Variants in PMM2 observed in about 807,000 individuals in gnomAD.
The protein encoded by PMM2 is mannose-6-phosphate isomerase.
PMM2 carries 35 observed loss-of-function variants against 33.2 expected under a neutral mutation model. The ratio of observed to expected loss-of-function variants is 1.06; its 90% CI spans 0.81 to 1.40. The LOEUF (loss-of-function observed/expected upper bound fraction) is 1.40. PMM2 is among the 40% of genes most tolerant of loss of function. The pLI is 0.00. For synonymous variants in PMM2, 153 were observed against 114.7 expected (o/e 1.33, Z -2.13); for missense variants, 386 against 306.0 (o/e 1.26, Z -1.95).
At chr16:8,847,312 C>A (rs1416631590) in intron 7 of PMM2, among the ~76,000 whole-genome samples, 1 of 151,646 alleles carries the variant, frequency 6.6e-6, no homozygotes, top group Non-Finnish European at 1.5e-5. Context: ...CCCTGGCAGC[C>A]CTGCTCCCGG....
In PMM2 at chr16:8,811,702, C is replaced by G. The variant is rs547057460; in HGVS notation, c.512C>G (p.Thr171Arg). The G allele has an allele frequency of 4.4e-6, 7 of 1,608,540 alleles. No individual in the cohort carries two copies. The South Asian group carries it at 7.7e-5, about 18-fold the overall frequency. The part of the protein sequence containing the change: ...LRKEFAGKGL[T>R]FSIGGQISFD... The stretch of plus-strand genomic sequence containing the variant: ...AAAGAGTTTGCTGGAAAAGGCCTCA[C>G]GTTTTCCATAGGTATTGTATATATT... Residue 171 changes from threonine to arginine, a missense_variant, in exon 6 of 8, where the codon ACG (threonine) becomes AGG (arginine). Physicochemically the swap from Thr to Arg is moderately conservative, Grantham distance 71. Coordinates refer to ENST00000268261, the MANE Select transcript of PMM2 (RefSeq NM_000303.3).
chr16:8,836,581 G>A (rs976438187), intron 7 of PMM2, among the ~76,000 whole-genome samples: 1 of 152,024 alleles, frequency 6.6e-6, no homozygotes, highest in African/African-American at 2.4e-5. Context: ...GTCTCACAGT[G>A]GAGGCAAGGA....
At chr16:8,815,442 G>C (rs922295515) in intron 7 of PMM2, among the ~76,000 whole-genome samples, 1 of 152,130 alleles carries the variant, frequency 6.6e-6, no homozygotes, top group Non-Finnish European at 1.5e-5. Flanking sequence ...CATTGGCCAG[G>C]CTGGTCTCGA....
At chr16:8,828,376 C>T (rs1173508697) in intron 7 of PMM2, among the ~76,000 whole-genome samples, 1 of 152,090 alleles carries the variant, frequency 6.6e-6, no homozygotes, top group African/African-American at 2.4e-5. Context: ...AGAGAGCACC[C>T]ATTCCGTAAG....
intron 7 of PMM2, among the ~76,000 whole-genome samples, chr16:8,837,282 T>C (rs1030224056): frequency 5.9e-5 from 9 of 151,876 alleles, no homozygotes; most frequent in Non-Finnish European, 7.4e-5. Flanking sequence ...TTAGATCTTG[T>C]AGGATGGAAA....
rs2141051377 is a variant in PMM2, at chr16:8,847,708, C to G, written c.640-16C>G. The G allele has an allele frequency of 5.6e-6, 9 of 1,594,206 alleles. No homozygotes were observed. Among genetic ancestry groups the G allele is most frequent in the Non-Finnish European group, 7.7e-6 (9 of 1,162,008 alleles). ...AGACGAGGGGGAGCCTTCATCTGTA[C>G]TTCGTGTCTTTCCAGGGTGGCAATG... is the stretch of plus-strand genomic sequence containing the variant. On this transcript the variant is annotated splice_polypyrimidine_tract_variant and intron_variant, in intron 7 of 7. Transcript: ENST00000268261.
chr16:8,831,876 C>G (rs2060811774), intron 7 of PMM2, among the ~76,000 whole-genome samples: 1 of 152,194 alleles, frequency 6.6e-6, no homozygotes, highest in Non-Finnish European at 1.5e-5. Context: ...TGGTGCCTGT[C>G]AGGTACACTA....
chr16:8,838,208 C>T (rs1443957616), intron 7 of PMM2, among the ~76,000 whole-genome samples: 1 of 151,988 alleles, frequency 6.6e-6, no homozygotes, highest in African/African-American at 2.4e-5. Context: ...AAAGAACCTT[C>T]TTAAGGGTGG....
At chr16:8,823,019 TAGAC>T (rs35202388) in intron 7 of PMM2, among the ~76,000 whole-genome samples, 6,879 of 152,238 alleles carry the variant, frequency 0.045, 222 homozygotes, top group Middle Eastern at 0.13. Flanking sequence ...CAGAGGTTGT[TAGAC>T]AGACAGATTG....
Position 8,811,724 on chromosome 16 carries a change from T to C in PMM2, c.523+11T>C, listed in dbSNP as rs1177559372. On this transcript the variant is annotated intron_variant, in intron 6 of 7. Coordinates refer to ENST00000268261, the MANE Select transcript of PMM2 (RefSeq NM_000303.3). The stretch of plus-strand genomic sequence containing the variant: ...TCACGTTTTCCATAGGTATTGTATA[T>C]ATTGCCTGTGTTCCAAACTTGGATA... The C allele has an allele frequency of 1.3e-6, 2 of 1,583,180 alleles. No individual in the cohort carries two copies. The highest frequency in any genetic ancestry group is 3.3e-5 in the Admixed American group (2 of 59,982).
intron 1 of PMM2, among the ~76,000 whole-genome samples, 184 bp from the exon 2 acceptor site, chr16:8,801,615 T>TG: frequency 6.6e-6 from 1 of 152,324 alleles, no homozygotes; most frequent in South Asian, 2.1e-4. Flanking sequence ...GAGGCTGCGA[T>TG]GAGCTATGAC....
intron 4 of PMM2, chr16:8,810,826 A>G: frequency 1.9e-6 from 1 of 535,162 alleles, no homozygotes; most frequent in Non-Finnish European, 3.4e-6. Context: ...GTCAATATAC[A>G]ACATGATTGA....
rs1410839628 is a variant in PMM2, at chr16:8,825,062, G to T, written c.639+11956G>T. ...TTGTTGTTGTTTGAGGTGGAGTCTC[G>T]CTCTGTTGCCCAGGCTGGAGTACAG... On this transcript the variant is annotated intron_variant, in intron 7 of 7. Coordinates refer to ENST00000268261, the MANE Select transcript of PMM2 (RefSeq NM_000303.3). 2.0e-5 allele frequency among the ~76,000 whole-genome samples: 3 copies of T among 152,254 alleles called. No individual in the cohort carries two copies. The South Asian group carries it at 6.2e-4, about 32-fold the overall frequency.
At chr16:8,825,075 G>A (rs1438897610) in intron 7 of PMM2, among the ~76,000 whole-genome samples, 1 of 152,212 alleles carries the variant, frequency 6.6e-6, no homozygotes, top group Non-Finnish European at 1.5e-5. Flanking sequence ...CTGTTGCCCA[G>A]GCTGGAGTAC....
chr16:8,810,334 G>GTA (rs750355863), intron 4 of PMM2: 2 of 152,218 alleles, frequency 1.3e-5, no homozygotes, highest in Non-Finnish European at 2.9e-5. Flanking sequence ...TAGATGTCTG[G>GTA]TACATGTATT....
intron 7 of PMM2, among the ~76,000 whole-genome samples, chr16:8,828,449 G>T (rs2060791135): frequency 6.6e-6 from 1 of 152,144 alleles, no homozygotes; most frequent in South Asian, 2.1e-4. Flanking sequence ...AGCTAAAGCT[G>T]AAGGCTGTTA....
intron 7 of PMM2, among the ~76,000 whole-genome samples, chr16:8,845,629 AGTACAGTG>A (rs1239481277): frequency 6.6e-6 from 1 of 151,672 alleles, no homozygotes; most frequent in African/African-American, 2.4e-5. Context: ...CCCAGGCTGA[AGTACAGTG>A]GTCTGTTCTT....
At chr16:8,805,217 G>A (rs1363057613) in intron 3 of PMM2, among the ~76,000 whole-genome samples, 3 of 152,046 alleles carry the variant, frequency 2.0e-5, no homozygotes, top group Non-Finnish European at 4.4e-5. Flanking sequence ...ACAGGCACAC[G>A]CCACCACACC....
At position 8,845,254 on chromosome 16, in the gene PMM2, C is replaced by G. The variant is rs564440748; in HGVS notation, c.640-2470C>G. On this transcript the variant is annotated intron_variant, in intron 7 of 7. Transcript: ENST00000268261. ...ACATCCTCAAGAGTGGGGAGAATTTCAAAGAACCTTCTTAAGGGTGGGGGA... is the reference window on the plus strand; with the variant it reads ...ACATCCTCAAGAGTGGGGAGAATTTGAAAGAACCTTCTTAAGGGTGGGGGA... Among the ~76,000 whole-genome samples, 312 of 151,690 alleles carry G rather than the reference C, an allele frequency of 2.1e-3. 3 individuals are homozygous for G. The highest frequency in any genetic ancestry group is 7.2e-3 in the African/African-American group (297 of 40,988).
Sources: allele counts gnomAD v4.1 joint callset (sites outside exome capture counted in the v4.1 genomes callset), GRCh38; gene constraint gnomAD v4.1.1; transcripts MANE v1.5; gene names NCBI Gene and HGNC (gene_info 2026-07-23, HGNC 2026-07-21).